Variants in CCDC102B observed in about 807,000 individuals in gnomAD.
The protein encoded by CCDC102B is coiled-coil domain containing 102B.
CCDC102B carries 75 observed loss-of-function variants against 57.4 expected under a neutral mutation model. The ratio of observed to expected loss-of-function variants is 1.31; its 90% CI spans 1.08 to 1.58. The LOEUF (loss-of-function observed/expected upper bound fraction) is 1.58, where lower values mean the gene tolerates loss of function less well. CCDC102B is among the 40% of genes most tolerant of loss of function. CCDC102B has a pLI of 0.00. For missense variants in CCDC102B, 636 were observed against 582.6 expected (o/e 1.09, Z -0.94); for synonymous variants, 206 against 201.9 (o/e 1.02, Z -0.17).
intron 6 of CCDC102B, among the ~76,000 whole-genome samples, chr18:68,995,873 C>G (rs1283154707): frequency 6.6e-6 from 1 of 152,168 alleles, no homozygotes; most frequent in African/African-American, 2.4e-5. Flanking sequence ...GTCACAGGCA[C>G]TCAATGCCAG....
intron 2 of CCDC102B, among the ~76,000 whole-genome samples, chr18:68,725,365 G>T (rs554960034): frequency 6.6e-6 from 1 of 152,276 alleles, no homozygotes; most frequent in Admixed American, 6.5e-5. Flanking sequence ...TAGAAATCCA[G>T]TACATTCAGC....
At position 68,985,861 on chromosome 18, in the gene CCDC102B, G is replaced by A. The variant is rs564412474; in HGVS notation, c.1264-25073G>A. Among the ~76,000 whole-genome samples, 4 of 152,230 alleles carry A rather than the reference G, an allele frequency of 2.6e-5. No individual in the cohort carries two copies. In the East Asian group the frequency reaches 7.7e-4, roughly 29 times the overall value. ...TGCAATGAAACAGAGTGGAGAAGGG[G>A]AAGGAATAGATCTGAGAGCAAATAA... On this transcript the variant is annotated intron_variant, in intron 6 of 7. Transcript: ENST00000360242.
At chr18:68,799,972 A>G (rs2035787559) in intron 1 of CCDC102B, among the ~76,000 whole-genome samples, 1 of 152,146 alleles carries the variant, frequency 6.6e-6, no homozygotes, top group East Asian at 1.9e-4. Context: ...GAGGTGGAGT[A>G]TCTGTGCCTC....
chr18:69,053,545 CTA>C (rs2052759878), intron 7 of CCDC102B, among the ~76,000 whole-genome samples: 1 of 151,370 alleles, frequency 6.6e-6, no homozygotes, highest in Non-Finnish European at 1.5e-5. Flanking sequence ...TACATTAACT[CTA>C]TTAAAATAAA....
chr18:69,010,403 C>T (rs936554773), intron 6 of CCDC102B, among the ~76,000 whole-genome samples: 2 of 152,006 alleles, frequency 1.3e-5, no homozygotes, highest in Non-Finnish European at 2.9e-5. Flanking sequence ...GTCTAATCAT[C>T]CTATGATAGA....
chr18:68,833,039 C>T (rs1176077043), intron 1 of CCDC102B, among the ~76,000 whole-genome samples: 1 of 152,124 alleles, frequency 6.6e-6, no homozygotes, highest in Non-Finnish European at 1.5e-5. Flanking sequence ...GATATTTTAG[C>T]TTAAAAATAT....
chr18:68,867,418 T>A (rs1185481661), intron 4 of CCDC102B, among the ~76,000 whole-genome samples: 1 of 152,192 alleles, frequency 6.6e-6, no homozygotes, highest in Non-Finnish European at 1.5e-5. Context: ...GTGGGTCAGC[T>A]TTTGGCTCCT....
intron 2 of CCDC102B, among the ~76,000 whole-genome samples, chr18:68,740,921 A>G (rs367880100): frequency 1.6e-4 from 24 of 152,314 alleles, no homozygotes; most frequent in African/African-American, 5.1e-4. Context: ...AGCATGGAGA[A>G]GGGAAGAAAA....
intron 1 of CCDC102B, among the ~76,000 whole-genome samples, chr18:68,815,259 C>G (rs544126676): frequency 6.6e-6 from 1 of 152,040 alleles, no homozygotes; most frequent in Non-Finnish European, 1.5e-5. Context: ...CATACAAACA[C>G]GGAGGCAACA....
At chr18:68,937,954 T>A (rs2049287663) in intron 6 of CCDC102B, among the ~76,000 whole-genome samples, 1 of 152,114 alleles carries the variant, frequency 6.6e-6, no homozygotes, top group Non-Finnish European at 1.5e-5. Flanking sequence ...TTTTTATGGC[T>A]GCATAGTATT....
At chr18:68,767,394 C>A (rs1475741347) in intron 2 of CCDC102B, among the ~76,000 whole-genome samples, 1 of 152,198 alleles carries the variant, frequency 6.6e-6, no homozygotes, top group Non-Finnish European at 1.5e-5. Flanking sequence ...AGCCAGCTGG[C>A]AGCTGTCTGC....
At chr18:68,909,304 C>T (rs902344316) in intron 6 of CCDC102B, among the ~76,000 whole-genome samples, 14 of 152,080 alleles carry the variant, frequency 9.2e-5, no homozygotes, top group African/African-American at 2.2e-4. Flanking sequence ...AAAAAAATAA[C>T]GATCTAGTCT....
chr18:68,762,269 C>T (rs896967399), intron 2 of CCDC102B, among the ~76,000 whole-genome samples: 1 of 152,056 alleles, frequency 6.6e-6, no homozygotes, highest in Non-Finnish European at 1.5e-5. Flanking sequence ...CCACTTTGTC[C>T]TCTATTTACG....
At chr18:68,910,106 A>C (rs1002641556) in intron 6 of CCDC102B, among the ~76,000 whole-genome samples, 1 of 152,190 alleles carries the variant, frequency 6.6e-6, no homozygotes, top group Admixed American at 6.5e-5. Context: ...CAGCCTGGCC[A>C]ACACGGTGAA....
At chr18:68,991,138 T>TTTC (rs398033351) in intron 6 of CCDC102B, among the ~76,000 whole-genome samples, 5 of 151,288 alleles carry the variant, frequency 3.3e-5, no homozygotes, top group South Asian at 2.1e-4. Flanking sequence ...TTTTTTTTTT[T>TTTC]CTTAAATAAA....
At chr18:68,749,689 G>A (rs1043238930) in intron 2 of CCDC102B, among the ~76,000 whole-genome samples, 2 of 151,912 alleles carry the variant, frequency 1.3e-5, no homozygotes, top group South Asian at 2.1e-4. Flanking sequence ...GAGACGATGG[G>A]GTTTTCTAAA....
chr18:68,784,949 G>T (rs1273501713), intron 2 of CCDC102B, among the ~76,000 whole-genome samples: 3 of 151,300 alleles, frequency 2.0e-5, no homozygotes, highest in African/African-American at 4.9e-5. Context: ...TTAGCATTAG[G>T]TATATCTCCC....
chr18:68,842,726 A>T (rs1350597612), intron 3 of CCDC102B, among the ~76,000 whole-genome samples: 2 of 152,128 alleles, frequency 1.3e-5, no homozygotes, highest in Non-Finnish European at 2.9e-5. Context: ...TCCCGCTGTG[A>T]TGTCTCTACC....
chr18:68,721,114 A>G (rs929490305), intron 2 of CCDC102B: 4 of 152,238 alleles, frequency 2.6e-5, no homozygotes, highest in African/African-American at 9.7e-5. Flanking sequence ...TTTCAGCCCA[A>G]GTTCCTACTC....
Sources: gnomAD v4.1 joint callset for allele counts (sites outside exome capture counted in the v4.1 genomes callset) on GRCh38, gnomAD v4.1.1 for gene constraint, MANE v1.5 for transcripts, NCBI Gene and HGNC (gene_info 2026-07-23, HGNC 2026-07-21) for gene names.